Variants in FGF12 observed in about 807,000 individuals in gnomAD.
FGF12 encodes the protein fibroblast growth factor 12B.
Under a neutral mutation model 23.6 loss-of-function variants are expected in FGF12, and 14 were observed. The observed-to-expected ratio is 0.59, with a 90% confidence interval of 0.39 to 0.93. The LOEUF (loss-of-function observed/expected upper bound fraction) is 0.93. Ranked by LOEUF, FGF12 falls within the 40% of genes least tolerant of loss-of-function variation. FGF12 has a pLI of 0.00. For missense variants in FGF12, 175 were observed against 217.8 expected (o/e 0.80, Z 1.24); for synonymous variants, 62 against 77.3 (o/e 0.80, Z 1.04).
chr3:192,395,162 G>A (rs1029831259), intron 2 of FGF12, among the ~76,000 whole-genome samples: 1 of 152,162 alleles, frequency 6.6e-6, no homozygotes, highest in African/African-American at 2.4e-5. Flanking sequence ...TAGGTTTCTG[G>A]GGCAAAGACA....
chr3:192,419,127 C>T (rs933005299), intron 2 of FGF12, among the ~76,000 whole-genome samples: 4 of 152,150 alleles, frequency 2.6e-5, no homozygotes, highest in African/African-American at 9.7e-5. Flanking sequence ...TAGTTTAGCT[C>T]ACTCCAAATC....
intron 2 of FGF12, among the ~76,000 whole-genome samples, chr3:192,477,181 C>G (rs1247828920): frequency 6.6e-6 from 1 of 152,130 alleles, no homozygotes; most frequent in Non-Finnish European, 1.5e-5. Context: ...CTGCCATGGC[C>G]AGCCAGAGGT....
intron 4 of FGF12, among the ~76,000 whole-genome samples, chr3:192,242,601 A>G (rs1244770669): frequency 8.5e-5 from 13 of 152,180 alleles, no homozygotes; most frequent in Non-Finnish European, 4.4e-5. Flanking sequence ...ACAAATTAAT[A>G]TGAAACCTGA....
At chr3:192,252,462 C>CAAAA (rs56920518) in intron 4 of FGF12, among the ~76,000 whole-genome samples, 372 of 27,534 alleles carry the variant, frequency 0.014, 15 homozygotes, top group Middle Eastern at 0.05. Flanking sequence ...GAATCTGTCT[C>CAAAA]AAAAAAAAAA....
intron 2 of FGF12, among the ~76,000 whole-genome samples, chr3:192,471,187 TG>T (rs1723164030): frequency 6.6e-6 from 1 of 152,200 alleles, no homozygotes; most frequent in African/African-American, 2.4e-5. Context: ...TCGCTCAGGT[TG>T]CAGACATGTA....
chr3:192,250,348 A>G (rs1711924780), intron 4 of FGF12, among the ~76,000 whole-genome samples: 1 of 152,184 alleles, frequency 6.6e-6, no homozygotes, highest in African/African-American at 2.4e-5. Context: ...CATTATTTTG[A>G]TGAGTTGTGC....
Position 192,463,848 on chromosome 3 carries a change from T to C in FGF12, c.14-103310A>G, listed in dbSNP as rs144852037. ...AGGTTAGTTTCTGTTTTTGTTTTTT[T>C]AAATTAAGAACAAAGCTACCTGCAA... is the stretch of plus-strand genomic sequence containing the variant. On this transcript the variant is annotated intron_variant, in intron 2 of 5. Coordinates refer to ENST00000445105, the MANE Select transcript of FGF12 (RefSeq NM_004113.6). 3.8e-3 allele frequency among the ~76,000 whole-genome samples: 575 copies of C among 152,314 alleles called. 3 individuals are homozygous for C. Among genetic ancestry groups the C allele is most frequent in the African/African-American group, 0.013 (560 of 41,560 alleles).
At chr3:192,538,332 G>A (rs879340150) in intron 2 of FGF12, among the ~76,000 whole-genome samples, 10 of 151,988 alleles carry the variant, frequency 6.6e-5, no homozygotes, top group African/African-American at 9.7e-5. Context: ...ATTCCGCTGC[G>A]TACAGATATC....
intron 2 of FGF12, among the ~76,000 whole-genome samples, chr3:192,469,279 T>A (rs1322878393): frequency 6.6e-6 from 1 of 152,134 alleles, no homozygotes; most frequent in Non-Finnish European, 1.5e-5. Flanking sequence ...ATAAACAGAG[T>A]GCCTCTGTTT....
intron 3 of FGF12, among the ~76,000 whole-genome samples, chr3:192,338,367 A>G (rs1717522017): frequency 6.6e-6 from 1 of 152,042 alleles, no homozygotes; most frequent in Non-Finnish European, 1.5e-5. Flanking sequence ...AATTTCCTCT[A>G]ATATCCATTT....
chr3:192,559,295 A>T (rs1217501570), intron 2 of FGF12, among the ~76,000 whole-genome samples: 2 of 151,992 alleles, frequency 1.3e-5, no homozygotes, highest in East Asian at 3.9e-4. Context: ...AAGAATTGGC[A>T]AAGGACTTGA....
intron 4 of FGF12, among the ~76,000 whole-genome samples, chr3:192,222,179 G>C (rs1718508322): frequency 6.6e-6 from 1 of 152,120 alleles, no homozygotes; most frequent in Non-Finnish European, 1.5e-5. Flanking sequence ...ACATGGGAAT[G>C]AGTACTTAGT....
chr3:192,243,735 G>A (rs1321627087), intron 4 of FGF12, among the ~76,000 whole-genome samples: 2 of 151,940 alleles, frequency 1.3e-5, no homozygotes, highest in Non-Finnish European at 2.9e-5. Flanking sequence ...ATGTTGTTGA[G>A]TCTGTCAAAC....
In FGF12 at chr3:192,179,072, G is replaced by A. The variant is rs74542086; in HGVS notation, c.229-8416C>T. Among the ~76,000 whole-genome samples the A allele has an allele frequency of 3.4e-3, 511 of 152,072 alleles. 8 individuals are homozygous for A. The highest frequency in any genetic ancestry group is 0.031 in the East Asian group (161 of 5,162). On this transcript the variant is annotated intron_variant, in intron 4 of 5. Transcript: ENST00000445105. The stretch of plus-strand genomic sequence containing the variant: ...GCTACTTTGCTAACTCTGTTGTCAC[G>A]CATAATGATATTAAATCAAGCAAGA...
chr3:192,554,687 G>A (rs568952716), intron 2 of FGF12, among the ~76,000 whole-genome samples: 3 of 151,328 alleles, frequency 2.0e-5, no homozygotes, highest in African/African-American at 7.3e-5. Context: ...TTCAATAAAA[G>A]GAACAAAATA....
At chr3:192,500,202 T>C (rs1167911524) in intron 2 of FGF12, among the ~76,000 whole-genome samples, 1 of 152,166 alleles carries the variant, frequency 6.6e-6, no homozygotes, top group Non-Finnish European at 1.5e-5. Context: ...CACTGGACAA[T>C]CCCAGCTCCA....
intron 2 of FGF12, among the ~76,000 whole-genome samples, chr3:192,594,011 T>G (rs1488869641): frequency 6.6e-6 from 1 of 151,958 alleles, no homozygotes; most frequent in African/African-American, 2.4e-5. Context: ...GTAAGCAGCT[T>G]GTCGGTTAGA....
chr3:192,286,847 T>C (rs1053366354), intron 4 of FGF12, among the ~76,000 whole-genome samples: 4 of 152,030 alleles, frequency 2.6e-5, no homozygotes, highest in Admixed American at 2.6e-4. Context: ...TAAGACACTA[T>C]ATATCTGCTG....
chr3:192,321,095 C>T (rs866071287), intron 4 of FGF12, among the ~76,000 whole-genome samples: 3 of 151,984 alleles, frequency 2.0e-5, no homozygotes, highest in Middle Eastern at 3.2e-3. Flanking sequence ...AGAAGACCCA[C>T]ATAAGTAAAA....
Sources: gnomAD v4.1 joint callset for allele counts (sites outside exome capture counted in the v4.1 genomes callset) on GRCh38, gnomAD v4.1.1 for gene constraint, MANE v1.5 for transcripts, NCBI Gene and HGNC (gene_info 2026-07-23, HGNC 2026-07-21) for gene names.